The following DYNC1H1 variants were observed in gnomAD, a reference collection of about 807,000 sequenced individuals.
The protein encoded by DYNC1H1 is dynein cytoplasmic 1 heavy chain 1, also known as cytoplasmic dynein 1 heavy chain 1.
DYNC1H1 carries 51 observed loss-of-function variants against 527.1 expected under a neutral mutation model. The observed-to-expected ratio is 0.10, with a 90% CI of 0.08 to 0.12. DYNC1H1 has a LOEUF of 0.12. Among genes scored for constraint, DYNC1H1 ranks in the 10% least tolerant of loss-of-function variants. DYNC1H1 has a pLI of 1.00. For missense variants in DYNC1H1, 2,771 were observed against 5,971.8 expected (o/e 0.46, Z 17.66); for synonymous variants, 2,189 against 2,278.8 (o/e 0.96, Z 1.12).
intron 72 of DYNC1H1, among the ~76,000 whole-genome samples, chr14:102,046,167 C>CA (rs749507372): frequency 3.0e-3 from 364 of 119,506 alleles, no homozygotes; most frequent in Admixed American, 4.5e-3. Context: ...GACTTTGTCT[C>CA]AAAAAAAAAA....
intron 51 of DYNC1H1, among the ~76,000 whole-genome samples, chr14:102,031,633 A>ACTTAAAATATTTTGTAAAATATTTT (rs1477472948): frequency 1.3e-5 from 2 of 152,072 alleles, no homozygotes; most frequent in East Asian, 3.8e-4. Context: ...GCACAATTGC[A>ACTTAAAATATTTTGTAAAATATTTT]CTTAAAATAT....
chr14:102,012,648 C>A lies in DYNC1H1; in HGVS notation c.7014+178C>A. ...CTAGATTTTTTTTCCATTTCCATGG[C>A]TAGTGAGAAACATTTTAATAGGTTT... On this transcript the variant is annotated intron_variant, in intron 34 of 77. Transcript: ENST00000360184. The surrounding 1 kb of genome is among the most constrained non-coding windows in gnomAD (Gnocchi z 4.9). The A allele has an allele frequency of 1.3e-6, 1 of 798,266 alleles. No homozygotes were observed. The highest frequency in any genetic ancestry group is 1.5e-5 in the South Asian group (1 of 65,500). 49.4% of individuals were successfully genotyped at this position (798,266 alleles called of 1,614,324 possible).
At chr14:102,006,854 C>T (rs1179494763) in intron 27 of DYNC1H1, among the ~76,000 whole-genome samples, 154 bp from the exon 28 acceptor site, 1 of 152,220 alleles carries the variant, frequency 6.6e-6, no homozygotes, top group African/African-American at 2.4e-5. Context: ...CCTGCCTCGG[C>T]CTCCCGAAGT....
At chr14:102,048,059 C>G in intron 73 of DYNC1H1, 31 bp downstream of exon 73, 1 of 1,592,294 alleles carries the variant, frequency 6.3e-7, no homozygotes, top group Non-Finnish European at 8.5e-7. Context: ...CCGGCCAGGT[C>G]TCAAGGTCCC....
At chr14:101,978,768 C>G (rs924085523) in intron 2 of DYNC1H1, among the ~76,000 whole-genome samples, 5 of 152,194 alleles carry the variant, frequency 3.3e-5, no homozygotes, top group African/African-American at 9.7e-5. Flanking sequence ...AGAGGTCACA[C>G]TGGAATTGAG....
chr14:101,995,168 T>A lies in DYNC1H1; in HGVS notation c.3445-13T>A. 6.2e-7 allele frequency: 1 copy of A among 1,614,142 alleles called. No homozygotes were observed. Among genetic ancestry groups the A allele is most frequent in the Non-Finnish European group, 8.5e-7 (1 of 1,180,004 alleles). On this transcript the variant is annotated splice_polypyrimidine_tract_variant and intron_variant, in intron 14 of 77. Transcript: ENST00000360184. ...CCAGCTCTGTGATGAAATACTCCCCTCTCTCTGAACAGTCCCGCCAAGAGT... is the reference window on the plus strand; with the variant it reads ...CCAGCTCTGTGATGAAATACTCCCCACTCTCTGAACAGTCCCGCCAAGAGT...
Position 102,018,426 on chromosome 14 carries a change from G to A in DYNC1H1, c.8178-25G>A, listed in dbSNP as rs751005151. On this transcript the variant is annotated intron_variant, in intron 40 of 77. Coordinates refer to ENST00000360184, the MANE Select transcript of DYNC1H1 (RefSeq NM_001376.5). This position sits in a 1 kb window ranked among gnomAD's most constrained non-coding sequence, Gnocchi z 5.2. Reference sequence around the variant, plus strand: ...CTGGGAGGCGCTGTCAGGGAGGGGCGCTGAGCGGGGCTATCTGTGCACAGG... The same window carrying A: ...CTGGGAGGCGCTGTCAGGGAGGGGCACTGAGCGGGGCTATCTGTGCACAGG... 1.1e-5 allele frequency: 18 copies of A among 1,610,656 alleles called. No homozygotes were observed. The highest frequency in any genetic ancestry group is 1.3e-5 in the African/African-American group (1 of 75,042).
In DYNC1H1 at chr14:102,044,409, A is replaced by G. The variant is rs2048690062; in HGVS notation, c.12820A>G (p.Thr4274Ala). 5.6e-6 allele frequency: 9 copies of G among 1,614,166 alleles called. No individual in the cohort carries two copies. Among genetic ancestry groups the G allele is most frequent in the Non-Finnish European group, 7.6e-6 (9 of 1,180,024 alleles). The change falls in exon 71 of 78, where the codon ACA becomes GCA. Residue 4274 changes from threonine (T) to alanine (A), a missense_variant. Physicochemically the swap from Thr to Ala is moderately conservative, Grantham distance 58 (BLOSUM62 0). This residue lies in a region of DYNC1H1 where 195 missense variants were observed against 428.6 expected (regional missense o/e 0.45). Coordinates refer to ENST00000360184, the MANE Select transcript of DYNC1H1 (RefSeq NM_001376.5). This position sits in a 1 kb window ranked among gnomAD's most constrained non-coding sequence, Gnocchi z 7.1. ...CAACACCTTCCTGGAGCGCCTGTTC[A>G]CAACCAGGAGTTTCGACAGTGAGTT... Reference protein sequence around the residue: ...LLNTFLERLFTTRSFDSEFKL... With the variant: ...LLNTFLERLFATRSFDSEFKL...
At position 101,983,007 on chromosome 14, in the gene DYNC1H1, C is replaced by G. The variant is rs2047886523; in HGVS notation, c.962-12C>G. 8 of 1,613,690 alleles carry G rather than the reference C, an allele frequency of 5.0e-6. No individual in the cohort carries two copies. The highest frequency in any genetic ancestry group is 5.9e-6 in the Non-Finnish European group (7 of 1,179,824). On this transcript the variant is annotated splice_polypyrimidine_tract_variant and intron_variant, in intron 5 of 77. Coordinates refer to ENST00000360184, the MANE Select transcript of DYNC1H1 (RefSeq NM_001376.5). The surrounding 1 kb of genome is among the most constrained non-coding windows in gnomAD (Gnocchi z 5.3). ...TATGTGAAAACCATTAACTCTTTCT[C>G]TGTTAATATAGGTCTAAAACAGGCT...
Position 102,050,738 on chromosome 14 carries a change from T to C in DYNC1H1, c.*175T>C. On this transcript the variant is annotated 3_prime_UTR_variant, in exon 78 of 78. Coordinates refer to ENST00000360184, the MANE Select transcript of DYNC1H1 (RefSeq NM_001376.5). ...TGGAAATTGGAAGGATACCAGGAGG[T>C]ATTTGGGAAGGCCAATGGCGTGGCT... 1 of 1,048,768 alleles carries C rather than the reference T, an allele frequency of 9.5e-7. No individual in the cohort carries two copies. Among genetic ancestry groups the C allele is most frequent in the South Asian group, 1.4e-5 (1 of 71,586 alleles). The allele number at this position is 1,048,768 out of a possible 1,614,324, so 65.0% of individuals were successfully genotyped here.
chr14:101,983,349 A>G lies in DYNC1H1; in HGVS notation c.1234-33A>G, dbSNP rs371665156. 369 of 1,614,010 alleles carry G rather than the reference A, an allele frequency of 2.3e-4. No homozygotes were observed. The highest frequency in any genetic ancestry group is 2.9e-4 in the Non-Finnish European group (348 of 1,179,958). ...GACATTGAGATGAAAATATGTCTTA[A>G]TAATAAGCCTCACTTTTGAAATTAT... On this transcript the variant is annotated intron_variant, in intron 6 of 77. Transcript: ENST00000360184. The surrounding 1 kb of genome is among the most constrained non-coding windows in gnomAD (Gnocchi z 5.3).
Position 102,029,120 on chromosome 14 carries a change from C to T in DYNC1H1, c.9469-419C>T. On this transcript the variant is annotated intron_variant, in intron 48 of 77. Coordinates refer to ENST00000360184, the MANE Select transcript of DYNC1H1 (RefSeq NM_001376.5). This position sits in a 1 kb window ranked among gnomAD's most constrained non-coding sequence, Gnocchi z 5.3. ...TTGGAATGTCGTCCAGCCCTGGCTT[C>T]CCCTGGTAGTCTGATCATCTTGCTG... The T allele has an allele frequency of 3.8e-6, 1 of 262,044 alleles. No homozygotes were observed. Among genetic ancestry groups the T allele is most frequent in the South Asian group, 4.4e-5 (1 of 22,534 alleles). The allele number at this position is 262,044 out of a possible 1,614,324, so 16.2% of individuals were successfully genotyped here.
Position 102,033,046 on chromosome 14 carries a change from T to C in DYNC1H1, c.10080-19T>C, listed in dbSNP as rs768839266. On this transcript the variant is annotated intron_variant, in intron 52 of 77. Coordinates refer to ENST00000360184, the MANE Select transcript of DYNC1H1 (RefSeq NM_001376.5). The surrounding 1 kb of genome is among the most constrained non-coding windows in gnomAD (Gnocchi z 5.6). ...CTTTTGTCCTGCATGTGTTTAGAAA[T>C]ATCATTCGTCTTTTACAGTGACGCC... 6 of 1,607,794 alleles carry C rather than the reference T, an allele frequency of 3.7e-6. No individual in the cohort carries two copies. The highest frequency in any genetic ancestry group is 5.1e-6 in the Non-Finnish European group (6 of 1,174,248).
At position 102,036,837 on chromosome 14, in the gene DYNC1H1, G is replaced by A. The variant is rs2048581225; in HGVS notation, c.10908+195G>A. The A allele has an allele frequency of 2.9e-6, 2 of 683,754 alleles. No individual in the cohort carries two copies. The highest frequency in any genetic ancestry group is 3.6e-5 in the African/African-American group (2 of 55,454). 42.4% of individuals were successfully genotyped at this position (683,754 alleles called of 1,614,324 possible). On this transcript the variant is annotated intron_variant, in intron 57 of 77. Coordinates refer to ENST00000360184, the MANE Select transcript of DYNC1H1 (RefSeq NM_001376.5). This position sits in a 1 kb window ranked among gnomAD's most constrained non-coding sequence, Gnocchi z 5.6. ...ATTCTATTCAGTGGTCGGGCGAGGT[G>A]GCTCACACCTGTAATCTCAGCACTT... is the stretch of plus-strand genomic sequence containing the variant.
At chr14:102,037,423 C>CA (rs71305087) in intron 57 of DYNC1H1, 10,699 of 67,748 alleles carry the variant, frequency 0.16, 568 homozygotes, top group South Asian at 0.26. Context: ...GACTCCATCT[C>CA]AAAAAAAAAA....
In DYNC1H1 at chr14:102,033,703, G is replaced by A. The variant is rs374707901; in HGVS notation, c.10413+219G>A. 7.6e-5 allele frequency: 54 copies of A among 709,038 alleles called. No individual in the cohort carries two copies. Among genetic ancestry groups the A allele is most frequent in the South Asian group, 5.7e-4 (32 of 56,488 alleles). The allele number at this position is 709,038 out of a possible 1,614,324, so 43.9% of individuals were successfully genotyped here. A position where few individuals can be genotyped will look rare whatever the true frequency, so the allele number is the denominator to read the frequency against. On this transcript the variant is annotated intron_variant, in intron 54 of 77. Coordinates refer to ENST00000360184, the MANE Select transcript of DYNC1H1 (RefSeq NM_001376.5). The surrounding 1 kb of genome is among the most constrained non-coding windows in gnomAD (Gnocchi z 5.6). ...GATACAAACTGGACACTTTTCAGCC[G>A]TTGAATCCCCCACCAGCAGCTCCAG... is the stretch of plus-strand genomic sequence containing the variant.
chr14:102,049,217 A>G lies in DYNC1H1; in HGVS notation c.13373-223A>G. The G allele has an allele frequency of 1.6e-6, 1 of 624,462 alleles. No homozygotes were observed. The highest frequency in any genetic ancestry group is 2.8e-6 in the Non-Finnish European group (1 of 356,458). 38.7% of individuals were successfully genotyped at this position (624,462 alleles called of 1,614,324 possible). On this transcript the variant is annotated intron_variant, in intron 74 of 77. Transcript: ENST00000360184. The surrounding 1 kb of genome is among the most constrained non-coding windows in gnomAD (Gnocchi z 5.5). ...GACACACCTGGACTAATTTGACCCT[A>G]GAAACTGCACGGTTCTGAGACATGC...
intron 16 of DYNC1H1, among the ~76,000 whole-genome samples, chr14:101,998,615 C>T (rs1354045307): frequency 1.3e-5 from 2 of 152,180 alleles, no homozygotes; most frequent in Non-Finnish European, 2.9e-5. Context: ...CAGATTTAGC[C>T]TTCCACAAAG....
chr14:102,023,088 C>G (rs1451254868), intron 43 of DYNC1H1: 2 of 733,304 alleles, frequency 2.7e-6, no homozygotes, highest in East Asian at 7.0e-5. Flanking sequence ...CATAGTAAGA[C>G]TCCACCTCTA....
Sources: allele counts gnomAD v4.1 joint callset (sites outside exome capture counted in the v4.1 genomes callset), GRCh38; gene constraint gnomAD v4.1.1; regional missense constraint gnomAD v4.1.1; non-coding constraint Gnocchi (gnomAD v3.1); transcripts MANE v1.5; gene names NCBI Gene and HGNC (gene_info 2026-07-23, HGNC 2026-07-21).